The following MUC13 variants were observed in gnomAD, a reference collection of about 807,000 sequenced individuals.
MUC13 encodes the protein mucin 13, cell surface associated.
A neutral mutation model predicts 48.3 loss-of-function variants in MUC13; 32 were observed. The ratio of observed to expected loss-of-function variants is 0.66; its 90% CI spans 0.50 to 0.89. The LOEUF is 0.89. Ranked by LOEUF, MUC13 falls within the 40% of genes least tolerant of loss-of-function variation. The pLI is 0.00. For missense variants in MUC13, 571 were observed against 622.8 expected (o/e 0.92, Z 0.88); for synonymous variants, 199 against 224.9 (o/e 0.88, Z 1.03).
intron 2 of MUC13, among the ~76,000 whole-genome samples, chr3:124,924,209 G>A (rs1001835599): frequency 2.6e-5 from 4 of 152,216 alleles, no homozygotes; most frequent in African/African-American, 9.6e-5. Flanking sequence ...AAAATTCTAA[G>A]AGGCCATGAG....
At chr3:124,910,989 G>T (rs991668901) in intron 9 of MUC13, among the ~76,000 whole-genome samples, 2 of 152,158 alleles carry the variant, frequency 1.3e-5, no homozygotes, top group Non-Finnish European at 2.9e-5. Context: ...ACTCTGCCCT[G>T]GTTGGCACTA....
At chr3:124,910,375 T>TAAA in intron 10 of MUC13, 40 bp downstream of exon 10, 2 of 1,378,858 alleles carry the variant, frequency 1.5e-6, no homozygotes, top group East Asian at 2.6e-5. Flanking sequence ...CATCTCTCTA[T>TAAA]AAAAAAAAAA....
Position 124,916,546 on chromosome 3 carries a change from C to T in MUC13, c.801-66G>A, listed in dbSNP as rs1190157308. The T allele has an allele frequency of 3.4e-5, 51 of 1,498,678 alleles. No individual in the cohort carries two copies. The East Asian group carries it at 1.2e-3, about 37-fold the overall frequency. 92.8% of individuals were successfully genotyped at this position (1,498,678 alleles called of 1,614,324 possible). A position where few individuals can be genotyped will look rare whatever the true frequency, so the allele number is the denominator to read the frequency against. ...AAGAATCAACAAATAATTCTAATCT[C>T]CCAGACTCCCGAATCTCCCGGCCCT... On this transcript the variant is annotated intron_variant, in intron 5 of 11. Coordinates refer to ENST00000616727, the MANE Select transcript of MUC13 (RefSeq NM_033049.4).
chr3:124,907,483 C>T (rs568301255), intron 11 of MUC13, among the ~76,000 whole-genome samples: 36 of 152,130 alleles, frequency 2.4e-4, no homozygotes, highest in African/African-American at 7.7e-4. Flanking sequence ...CCAGGCATAG[C>T]GGCATGTGCC....
At position 124,908,206 on chromosome 3, in the gene MUC13, C is replaced by T. The variant is rs1047892898; in HGVS notation, c.1480G>A (p.Asp494Asn). 2 of 1,614,046 alleles carry T rather than the reference C, an allele frequency of 1.2e-6. No homozygotes were observed. The highest frequency in any genetic ancestry group is 1.3e-5 in the African/African-American group (1 of 74,910). ...FPKVRITASR[D>N]SQMQNPYSRH... ...GAATAGGGATTTTGCATCTGGCTGT[C>T]TCTGGAGGCCGTTATCCTGACCTTA... The change falls in exon 11 of 12, where the codon GAC (aspartate) becomes AAC (asparagine). Residue 494 changes from aspartate (D) to asparagine (N), a missense_variant. Physicochemically the swap from Asp to Asn is conservative, Grantham distance 23 (BLOSUM62 1). Coordinates refer to ENST00000616727, the MANE Select transcript of MUC13 (RefSeq NM_033049.4).
chr3:124,912,676 G>A (rs1219167031), intron 8 of MUC13, among the ~76,000 whole-genome samples: 3 of 152,126 alleles, frequency 2.0e-5, no homozygotes, highest in East Asian at 1.9e-4. Flanking sequence ...GGTGGCTCAC[G>A]CCTGTAATCC....
chr3:124,906,148 T>C lies in MUC13; in HGVS notation c.*595A>G, dbSNP rs1323010050. On this transcript the variant is annotated 3_prime_UTR_variant, in exon 12 of 12. Transcript: ENST00000616727. The stretch of plus-strand genomic sequence containing the variant: ...CTGAGAGATATGTCTCTTTCCAGTC[T>C]TCTTGGGTGAGGCTAGGTTGCAAGC... 2 of 152,656 alleles carry C rather than the reference T, an allele frequency of 1.3e-5. No homozygotes were observed. The highest frequency in any genetic ancestry group is 1.3e-4 in the Admixed American group (2 of 15,282). 9.5% of individuals were successfully genotyped at this position (152,656 alleles called of 1,614,324 possible).
In MUC13 at chr3:124,927,538, T is replaced by C; in HGVS notation, c.508A>G (p.Ser170Gly). Reference sequence around the variant, plus strand: ...TTGAGGGAATTGTCCTTACCTGTGCTGTTTAGGGTGCTGGTCTCCAATAAA... The same window carrying C: ...TTGAGGGAATTGTCCTTACCTGTGCCGTTTAGGGTGCTGGTCTCCAATAAA... ...TALLETSTLN[S>G]TGPSNPCQDD... Residue 170 changes from serine to glycine, a missense_variant, in exon 2 of 12, where the codon AGC (serine) becomes GGC (glycine). Coordinates refer to ENST00000616727, the MANE Select transcript of MUC13 (RefSeq NM_033049.4). The C allele has an allele frequency of 1.9e-6, 3 of 1,613,902 alleles. No individual in the cohort carries two copies. The highest frequency in any genetic ancestry group is 2.5e-6 in the Non-Finnish European group (3 of 1,179,842).
intron 3 of MUC13, among the ~76,000 whole-genome samples, chr3:124,922,979 C>G (rs1935627608): frequency 6.6e-6 from 1 of 151,536 alleles, no homozygotes; most frequent in South Asian, 2.1e-4. Flanking sequence ...ATTATTAGTG[C>G]TAAAAATATG....
intron 1 of MUC13, 92 bp downstream of exon 1, chr3:124,934,569 G>A (rs1217860830): frequency 1.1e-5 from 9 of 847,250 alleles, no homozygotes; most frequent in East Asian, 2.5e-5. Flanking sequence ...CCATGTGCTG[G>A]GCTGGGAGAA....
chr3:124,929,937 G>A lies in MUC13; in HGVS notation c.53-1944C>T, dbSNP rs186280936. Among the ~76,000 whole-genome samples, 3 of 152,306 alleles carry A rather than the reference G, an allele frequency of 2.0e-5. No homozygotes were observed. In the East Asian group the frequency reaches 5.8e-4, roughly 29 times the overall value. ...AATTGGGGATCAGAATGAAAGCGGTGGAAATAGAAGTGACCTCCACGGTGC... is the reference window on the plus strand; with the variant it reads ...AATTGGGGATCAGAATGAAAGCGGTAGAAATAGAAGTGACCTCCACGGTGC... On this transcript the variant is annotated intron_variant, in intron 1 of 11. Transcript: ENST00000616727.
In MUC13 at chr3:124,924,083, C is replaced by G. The variant is rs928624773; in HGVS notation, c.515-434G>C. Among the ~76,000 whole-genome samples the G allele has an allele frequency of 5.3e-5, 8 of 152,044 alleles. No homozygotes were observed. In the East Asian group the frequency reaches 1.5e-3, roughly 29 times the overall value. On this transcript the variant is annotated intron_variant, in intron 2 of 11. Transcript: ENST00000616727. ...TGAATAATTGTCATATAGGAAGAAACAGCCAAGAAGCTCCAAAAGAAACTA... is the reference window on the plus strand; with the variant it reads ...TGAATAATTGTCATATAGGAAGAAAGAGCCAAGAAGCTCCAAAAGAAACTA...
rs377045551 is a variant in MUC13, at chr3:124,910,331, C to T, written c.1337+84G>A. 3,298 of 1,528,848 alleles carry T rather than the reference C, an allele frequency of 2.2e-3. 5 individuals carry two copies. Among genetic ancestry groups the T allele is most frequent in the Middle Eastern group, 3.5e-3 (20 of 5,676 alleles). The allele number at this position is 1,528,848 out of a possible 1,614,324, so 94.7% of individuals were successfully genotyped here. On this transcript the variant is annotated intron_variant, in intron 10 of 11. Transcript: ENST00000616727. ...GGAGGATGGCTTGAGTTCAGGAGTTCGAGACCAACATGGGCAACATAGTGA... is the reference window on the plus strand; with the variant it reads ...GGAGGATGGCTTGAGTTCAGGAGTTTGAGACCAACATGGGCAACATAGTGA...
Position 124,910,411 on chromosome 3 carries a change from A to G in MUC13, c.1337+4T>C. 1 of 1,613,910 alleles carries G rather than the reference A, an allele frequency of 6.2e-7. No individual in the cohort carries two copies. Among genetic ancestry groups the G allele is most frequent in the Non-Finnish European group, 8.5e-7 (1 of 1,179,882 alleles). On this transcript the variant is annotated splice_donor_region_variant and intron_variant, in intron 10 of 11. Transcript: ENST00000616727. The stretch of plus-strand genomic sequence containing the variant: ...AATTTAAAAAGGACACTTTCATCCC[A>G]TACCTTGCTGTGACAATCAATGCAA...
At chr3:124,917,582 G>A (rs1410793272) in intron 5 of MUC13, among the ~76,000 whole-genome samples, 5 of 152,140 alleles carry the variant, frequency 3.3e-5, no homozygotes, top group African/African-American at 4.8e-5. Flanking sequence ...AGCAATGTTT[G>A]CAGCCACCTT....
intron 5 of MUC13, among the ~76,000 whole-genome samples, chr3:124,917,010 G>A (rs1048270598): frequency 6.6e-6 from 1 of 152,064 alleles, no homozygotes; most frequent in East Asian, 1.9e-4. Flanking sequence ...ACATGATTGG[G>A]CCTGGACACA....
intron 3 of MUC13, among the ~76,000 whole-genome samples, 194 bp from the exon 4 acceptor site, chr3:124,922,497 T>C (rs72976434): frequency 0.025 from 3,782 of 152,178 alleles, 145 homozygotes; most frequent in African/African-American, 0.086. Flanking sequence ...TATATTTCTT[T>C]CCATTTACAG....
chr3:124,907,495 G>A (rs949951542), intron 11 of MUC13, among the ~76,000 whole-genome samples: 1 of 152,160 alleles, frequency 6.6e-6, no homozygotes, highest in Non-Finnish European at 1.5e-5. Context: ...GCATGTGCCT[G>A]TAGTCCCAGC....
intron 6 of MUC13, among the ~76,000 whole-genome samples, chr3:124,914,541 A>G (rs966129207): frequency 4.6e-5 from 7 of 152,206 alleles, no homozygotes; most frequent in African/African-American, 1.4e-4. Flanking sequence ...CTGCCACATG[A>G]AAATGCCTCT....
Sources: allele counts gnomAD v4.1 joint callset (sites outside exome capture counted in the v4.1 genomes callset), GRCh38; gene constraint gnomAD v4.1.1; transcripts MANE v1.5; gene names NCBI Gene and HGNC (gene_info 2026-07-23, HGNC 2026-07-21).